Variants in AHI1 observed in about 807,000 individuals in gnomAD.
AHI1 encodes Abelson helper integration site 1.
Under a neutral mutation model 149.3 loss-of-function variants are expected in AHI1, and 123 were observed. The observed-to-expected ratio is 0.82, with a 90% CI of 0.71 to 0.96. AHI1 has a LOEUF of 0.96. Ranked by LOEUF, AHI1 falls within the 40% of genes least tolerant of loss-of-function variation. The pLI, the probability that AHI1 is intolerant of heterozygous loss-of-function variation, is 0.00. For missense variants in AHI1, 1,439 were observed against 1,422.7 expected, an observed-to-expected ratio of 1.01 and a Z score of -0.18; for synonymous variants, 475 against 459.8, an observed-to-expected ratio of 1.03 and a Z score of -0.42.
chr6:135,323,273 G>T lies in AHI1; in HGVS notation c.3217C>A (p.His1073Asn), dbSNP rs374945386. 11 of 1,613,724 alleles carry T rather than the reference G, an allele frequency of 6.8e-6. No homozygotes were observed. In the African/African-American group the frequency reaches 1.2e-4, roughly 18 times the overall value. Residue 1073 changes from histidine to asparagine, a missense_variant, in exon 25 of 29, where the codon CAT becomes AAT. Transcript: ENST00000265602. The stretch of plus-strand genomic sequence containing the variant: ...AACACTCGGATAATGTCTCCGCGAT[G>T]GATGGTTAGTTCATCTGATCGATTC... ...TANRSDELTI[H>N]RGDIIRVFFK...
chr6:135,359,224 CATTT>C (rs1186839365), intron 23 of AHI1, among the ~76,000 whole-genome samples: 1 of 152,078 alleles, frequency 6.6e-6, no homozygotes, highest in East Asian at 1.9e-4. Flanking sequence ...TTTTTTGTAA[CATTT>C]ATTGTTAGCC....
chr6:135,301,308 C>A (rs932506474), intron 26 of AHI1: 19 of 971,218 alleles, frequency 2.0e-5, no homozygotes, highest in Non-Finnish European at 2.3e-5. Context: ...TGTTTAAGTT[C>A]AATAATATAC....
At chr6:135,363,835 CG>C (rs1794370221) in intron 23 of AHI1, among the ~76,000 whole-genome samples, 1 of 92,322 alleles carries the variant, frequency 1.1e-5, no homozygotes, top group Admixed American at 1.0e-4. Flanking sequence ...TCCCAGTAGG[CG>C]CGGCCGGGCA....
chr6:135,388,326 G>C (rs1306451343), intron 23 of AHI1, among the ~76,000 whole-genome samples: 2 of 152,194 alleles, frequency 1.3e-5, no homozygotes, highest in African/African-American at 2.4e-5. Flanking sequence ...AGATGAGAAA[G>C]TCTTTGAAGC....
chr6:135,482,894 C>CTGTTTTTTTTTTTTTTTTT (rs1793899273), intron 5 of AHI1, among the ~76,000 whole-genome samples: 3 of 55,734 alleles, frequency 5.4e-5, no homozygotes, highest in Non-Finnish European at 8.5e-5. Flanking sequence ...CCATTTAAGG[C>CTGTTTTTTTTTTTTTTTTT]TTTTTTTTTT....
chr6:135,311,454 G>A (rs987351393), intron 26 of AHI1, among the ~76,000 whole-genome samples: 5 of 152,080 alleles, frequency 3.3e-5, no homozygotes, highest in South Asian at 4.1e-4. Flanking sequence ...GTAAGAAACA[G>A]AATGAGCATA....
At position 135,429,907 on chromosome 6, in the gene AHI1, T is replaced by C; in HGVS notation, c.2467A>G (p.Thr823Ala). The C allele has an allele frequency of 1.3e-6, 2 of 1,579,770 alleles. No homozygotes were observed. Among genetic ancestry groups the C allele is most frequent in the Non-Finnish European group, 1.7e-6 (2 of 1,157,380 alleles). ...ATCCGGAGATCCATAATTCTCAAAG[T>C]ACTGTCTTTGGTATGGATTAACAAA... is the stretch of plus-strand genomic sequence containing the variant. Reference protein sequence around the residue: ...KRLLIHTKDSTLRIMDLRILV... With the variant: ...KRLLIHTKDSALRIMDLRILV... Residue 823 changes from threonine to alanine, a missense_variant, in exon 18 of 29, where the codon ACT (threonine) becomes GCT (alanine). Physicochemically the swap from Thr to Ala is moderately conservative, Grantham distance 58. Transcript: ENST00000265602.
chr6:135,444,070 G>T (rs1490826263), intron 13 of AHI1, among the ~76,000 whole-genome samples: 1 of 152,146 alleles, frequency 6.6e-6, no homozygotes, highest in Non-Finnish European at 1.5e-5. Flanking sequence ...ATGAAAGTCT[G>T]ATAACAACAA....
At chr6:135,490,402 T>C in intron 5 of AHI1, 1 of 649,174 alleles carries the variant, frequency 1.5e-6, no homozygotes, top group South Asian at 1.9e-5. Context: ...CCCCACTGTG[T>C]GTGTGTTCTT....
chr6:135,443,041 C>T lies in AHI1; in HGVS notation c.1780-327G>A, dbSNP rs1380281670. On this transcript the variant is annotated intron_variant, in intron 13 of 28. Coordinates refer to ENST00000265602, the MANE Select transcript of AHI1 (RefSeq NM_001134831.2). Reference sequence around the variant, plus strand: ...GCTACTAAAAGAATGTATGTCACAGCCTTATTCTATGACAGCACTAGTAAG... The same window carrying T: ...GCTACTAAAAGAATGTATGTCACAGTCTTATTCTATGACAGCACTAGTAAG... 2.0e-5 allele frequency among the ~76,000 whole-genome samples: 3 copies of T among 152,284 alleles called. No individual in the cohort carries two copies. The Middle Eastern group carries it at 0.01, about 518-fold the overall frequency.
chr6:135,436,794 G>T lies in AHI1; in HGVS notation c.2036+1581C>A, dbSNP rs565629231. Among the ~76,000 whole-genome samples the T allele has an allele frequency of 3.9e-4, 60 of 152,232 alleles. No homozygotes were observed. In the South Asian group the frequency reaches 6.2e-3, roughly 16 times the overall value. ...TTTTTGTATTTTTAATAGAGACAGGGTTTCGCCATGTTGGCCAGGCTGATC... is the reference window on the plus strand; with the variant it reads ...TTTTTGTATTTTTAATAGAGACAGGTTTTCGCCATGTTGGCCAGGCTGATC... On this transcript the variant is annotated intron_variant, in intron 15 of 28. Coordinates refer to ENST00000265602, the MANE Select transcript of AHI1 (RefSeq NM_001134831.2).
At chr6:135,433,402 TATA>T in intron 15 of AHI1, 146 bp from the exon 16 acceptor site, 2 of 601,480 alleles carry the variant, frequency 3.3e-6, no homozygotes, top group Non-Finnish European at 5.8e-6. Context: ...CAATGAAAAA[TATA>T]ATGATGATCT....
chr6:135,287,693 T>C (rs1781855832), intron 28 of AHI1, among the ~76,000 whole-genome samples: 1 of 152,226 alleles, frequency 6.6e-6, no homozygotes, highest in African/African-American at 2.4e-5. Context: ...TTAAAGGCTC[T>C]TGTGATGAAA....
rs569710186 is a variant in AHI1 at position 135,348,911 on chromosome 6, A to G, written c.3165+9221T>C. On this transcript the variant is annotated intron_variant, in intron 24 of 28. Coordinates refer to ENST00000265602, the MANE Select transcript of AHI1 (RefSeq NM_001134831.2). Reference sequence around the variant, plus strand: ...ATAGAATAATATTAATAAGGCAGACACTATTATCATCTTCTTTCCAGATAT... The same window carrying G: ...ATAGAATAATATTAATAAGGCAGACGCTATTATCATCTTCTTTCCAGATAT... Among the ~76,000 whole-genome samples, 3 of 152,344 alleles carry G rather than the reference A, an allele frequency of 2.0e-5. No homozygotes were observed. In the East Asian group the frequency reaches 5.8e-4, roughly 29 times the overall value.
At chr6:135,394,227 T>C (rs189744076) in intron 23 of AHI1, among the ~76,000 whole-genome samples, 44 of 152,214 alleles carry the variant, frequency 2.9e-4, no homozygotes, top group African/African-American at 9.4e-4. Flanking sequence ...CTTAGATGTT[T>C]TTCCTTTGAC....
chr6:135,486,104 G>GA (rs955284480), intron 5 of AHI1, among the ~76,000 whole-genome samples: 2 of 152,054 alleles, frequency 1.3e-5, no homozygotes, highest in African/African-American at 4.8e-5. Flanking sequence ...AATACCTATT[G>GA]AAAAAAGCTA....
intron 24 of AHI1, among the ~76,000 whole-genome samples, chr6:135,330,350 T>A (rs1386070564): frequency 6.6e-6 from 1 of 152,196 alleles, no homozygotes; most frequent in Non-Finnish European, 1.5e-5. Flanking sequence ...TCAGCTGCCA[T>A]CAACACTGAG....
At position 135,352,713 on chromosome 6, in the gene AHI1, A is replaced by ATATATG. The variant is rs1491386464; in HGVS notation, c.3165+5418_3165+5419insCATATA. ...ACACATTGTGTGTGTATATATATAT[A>ATATATG]CACACACACACACACACACACACAA... On this transcript the variant is annotated intron_variant, in intron 24 of 28. Coordinates refer to ENST00000265602, the MANE Select transcript of AHI1 (RefSeq NM_001134831.2). Among the ~76,000 whole-genome samples, 459 of 104,312 alleles carry ATATATG rather than the reference A, an allele frequency of 4.4e-3. 2 individuals are homozygous for ATATATG. The highest frequency in any genetic ancestry group is 0.025 in the African/African-American group (420 of 16,612). The allele number at this position is 104,312 out of a possible 152,430, so 68.4% of individuals were successfully genotyped here.
At chr6:135,321,236 C>A (rs1786775078) in intron 25 of AHI1, among the ~76,000 whole-genome samples, 1 of 151,724 alleles carries the variant, frequency 6.6e-6, no homozygotes, top group Admixed American at 6.6e-5. Context: ...GCACTCTAGC[C>A]TGGGTGACAA....
Sources: gnomAD v4.1 joint callset for allele counts (sites outside exome capture counted in the v4.1 genomes callset) on GRCh38, gnomAD v4.1.1 for gene constraint, MANE v1.5 for transcripts, NCBI Gene and HGNC (gene_info 2026-07-23, HGNC 2026-07-21) for gene names.